The following KAZN variants were observed in gnomAD, a reference collection of about 807,000 sequenced individuals.
The protein encoded by KAZN is kazrin.
Under a neutral mutation model 87.4 loss-of-function variants are expected in KAZN, and 40 were observed. That is an observed-to-expected ratio of 0.46 (90% CI 0.36 to 0.60). KAZN has a LOEUF of 0.60. KAZN is among the 20% of genes least tolerant of loss of function. The pLI is 0.00. For synonymous variants in KAZN, 466 were observed against 458.3 expected (o/e 1.02, Z -0.22); for missense variants, 898 against 1,073.9 (o/e 0.84, Z 2.29).
chr1:14,580,339 G>A (rs904157063), intron 2 of KAZN, among the ~76,000 whole-genome samples: 3 of 152,244 alleles, frequency 2.0e-5, no homozygotes, highest in African/African-American at 7.2e-5. Context: ...GCCGAGCGTG[G>A]TGTCGCGTGC....
chr1:14,180,635 T>A lies in KAZN; in HGVS notation c.249+43T>A, dbSNP rs533857545. 7.3e-6 allele frequency: 11 copies of A among 1,503,710 alleles called. No individual in the cohort carries two copies. The East Asian group carries it at 2.7e-4, about 37-fold the overall frequency. The allele number at this position is 1,503,710 out of a possible 1,614,324, so 93.1% of individuals were successfully genotyped here. On this transcript the variant is annotated intron_variant, in intron 2 of 16. Coordinates refer to the KAZN transcript ENST00000636203. ...GAAATTCTCTATGGAGAAGGTGGAA[T>A]CTTTTTTTCTTTTTGGCATAAGCTG...
intron 1 of KAZN, among the ~76,000 whole-genome samples, chr1:14,682,255 T>C (rs574282481): frequency 3.3e-5 from 5 of 151,956 alleles, no homozygotes; most frequent in South Asian, 4.2e-4. Context: ...GCTTCACTTA[T>C]AATACCTTCA....
intron 1 of KAZN, among the ~76,000 whole-genome samples, chr1:14,130,420 TTTA>T (rs1298940912): frequency 2.0e-5 from 3 of 152,318 alleles, no homozygotes; most frequent in Admixed American, 1.3e-4. Flanking sequence ...AGCTGATTTT[TTTA>T]TTATTAAAAA....
intron 1 of KAZN, among the ~76,000 whole-genome samples, chr1:13,905,997 T>C (rs577375268): frequency 6.6e-6 from 1 of 152,334 alleles, no homozygotes; most frequent in South Asian, 2.1e-4. Context: ...CCTTCTCATC[T>C]GTGTATGTGA....
At chr1:14,761,073 C>A (rs1183545899) in intron 1 of KAZN, among the ~76,000 whole-genome samples, 1 of 152,144 alleles carries the variant, frequency 6.6e-6, no homozygotes, top group Non-Finnish European at 1.5e-5. Context: ...ATGGGGAGGA[C>A]CCTGCCTCCC....
intron 2 of KAZN, among the ~76,000 whole-genome samples, chr1:14,561,097 G>A (rs1674229105): frequency 6.6e-6 from 1 of 152,160 alleles, no homozygotes; most frequent in South Asian, 2.1e-4. Context: ...GGCACCATCA[G>A]CCTTTCTGGG....
intron 1 of KAZN, among the ~76,000 whole-genome samples, chr1:14,826,768 G>A (rs1646902009): frequency 6.6e-6 from 1 of 152,164 alleles, no homozygotes. Flanking sequence ...GGAATTTCCT[G>A]TTTCCCATTG....
At chr1:14,482,961 A>T (rs754793979) in intron 2 of KAZN, among the ~76,000 whole-genome samples, 14 of 152,160 alleles carry the variant, frequency 9.2e-5, no homozygotes, top group Non-Finnish European at 1.6e-4. Context: ...TAGTTTTGTC[A>T]TCTGCACAAT....
intron 2 of KAZN, among the ~76,000 whole-genome samples, chr1:14,277,248 A>G (rs529305182): frequency 6.6e-6 from 1 of 152,306 alleles, no homozygotes; most frequent in South Asian, 2.1e-4. Context: ...GCAACCCCAT[A>G]CATCATATCA....
chr1:14,568,082 G>T (rs6694431), intron 2 of KAZN, among the ~76,000 whole-genome samples: 18,526 of 152,146 alleles, frequency 0.12, 1,624 homozygotes, highest in African/African-American at 0.25. Flanking sequence ...TTTAAAAGGG[G>T]GATTACTGTG....
chr1:14,966,858 C>T (rs959273526), intron 2 of KAZN, among the ~76,000 whole-genome samples: 1 of 152,008 alleles, frequency 6.6e-6, no homozygotes, highest in African/African-American at 2.4e-5. Context: ...TTTAATAGGA[C>T]TGGGTTTCAC....
chr1:14,677,988 G>A (rs544138548), intron 1 of KAZN, among the ~76,000 whole-genome samples: 5 of 152,186 alleles, frequency 3.3e-5, no homozygotes, highest in South Asian at 2.1e-4. Flanking sequence ...CATGCCCTAC[G>A]AAGTCTGACC....
chr1:14,565,658 C>T (rs1312491108), intron 2 of KAZN, among the ~76,000 whole-genome samples: 1 of 152,218 alleles, frequency 6.6e-6, no homozygotes, highest in Non-Finnish European at 1.5e-5. Flanking sequence ...TCAAACCCTG[C>T]TGCTGCTTTA....
At chr1:13,985,175 A>C (rs923624102) in intron 1 of KAZN, among the ~76,000 whole-genome samples, 2 of 151,862 alleles carry the variant, frequency 1.3e-5, no homozygotes, top group African/African-American at 2.4e-5. Context: ...TTTTCAGCAG[A>C]ATTTTTATTC....
At position 14,100,701 on chromosome 1, in the gene KAZN, A is replaced by G. The variant is rs188775336; in HGVS notation, c.92-79734A>G. On this transcript the variant is annotated intron_variant, in intron 1 of 16. Coordinates refer to the KAZN transcript ENST00000636203. ...ACACAAATTCTAGACTTCCAGAAAG[A>G]AACAGGTGTTCAGCCTAAATCACAT... 1.4e-3 allele frequency among the ~76,000 whole-genome samples: 212 copies of G among 152,316 alleles called. 1 individual carries two copies. In the Middle Eastern group the frequency reaches 0.02, roughly 15 times the overall value.
chr1:14,170,231 G>A (rs1645924452), intron 1 of KAZN, among the ~76,000 whole-genome samples: 1 of 152,224 alleles, frequency 6.6e-6, no homozygotes, highest in African/African-American at 2.4e-5. Context: ...ATTCACAAAT[G>A]TAACTCTGGT....
intron 2 of KAZN, among the ~76,000 whole-genome samples, chr1:14,538,053 C>T (rs369947264): frequency 6.6e-6 from 1 of 152,126 alleles, no homozygotes; most frequent in African/African-American, 2.4e-5. Flanking sequence ...CTCTGCTATG[C>T]GACTTATTCA....
intron 2 of KAZN, among the ~76,000 whole-genome samples, chr1:14,467,852 T>C (rs1036774066): frequency 6.6e-6 from 1 of 152,148 alleles, no homozygotes; most frequent in Non-Finnish European, 1.5e-5. Context: ...GCAACTCCAA[T>C]AGAACGTAAG....
chr1:14,902,662 T>C (rs1656068993), intron 1 of KAZN, among the ~76,000 whole-genome samples: 1 of 152,062 alleles, frequency 6.6e-6, no homozygotes, highest in Non-Finnish European at 1.5e-5. Flanking sequence ...TCCATGTGAA[T>C]ACAGCAAAAG....
Sources: gnomAD v4.1 joint callset for allele counts (sites outside exome capture counted in the v4.1 genomes callset) on GRCh38, gnomAD v4.1.1 for gene constraint, MANE v1.5 for transcripts, NCBI Gene and HGNC (gene_info 2026-07-23, HGNC 2026-07-21) for gene names.